Variants in TTC19 observed in about 807,000 individuals in gnomAD.
TTC19 encodes the protein tetratricopeptide repeat domain 19, also known as tetratricopeptide repeat protein 19, mitochondrial.
Under a neutral mutation model 49.5 loss-of-function variants are expected in TTC19, and 38 were observed. The observed-to-expected ratio is 0.77, with a 90% CI of 0.59 to 1.01. TTC19 has a LOEUF of 1.01. Ranked by LOEUF, TTC19 falls within the 50% of genes least tolerant of loss-of-function variation. The pLI is 0.00. For missense variants in TTC19, 475 were observed against 477.7 expected (o/e 0.99, Z 0.05); for synonymous variants, 204 against 185.2 (o/e 1.10, Z -0.83).
In TTC19 at chr17:16,040,599, T is replaced by C. The variant is rs1038415388; in HGVS notation, c.248-3904T>C. On this transcript the variant is annotated intron_variant, in intron 2 of 2. Coordinates refer to the TTC19 transcript ENST00000470649. The stretch of plus-strand genomic sequence containing the variant: ...ATAAAATTAATCTTTTTATTTTTCA[T>C]GATCTCAACCTTTATTTCTCACCCA... 10 of 978,630 alleles carry C rather than the reference T, an allele frequency of 1.0e-5. No homozygotes were observed. In the African/African-American group the frequency reaches 1.5e-4, roughly 14 times the overall value. 60.6% of individuals were successfully genotyped at this position (978,630 alleles called of 1,614,324 possible).
chr17:16,003,561 C>T (rs933126600), intron 4 of TTC19, among the ~76,000 whole-genome samples: 2 of 152,008 alleles, frequency 1.3e-5, no homozygotes, highest in African/African-American at 4.8e-5. Flanking sequence ...TAGTCTCTGC[C>T]ACAGTGGGTT....
Position 16,001,146 on chromosome 17 carries a change from C to CA in TTC19, c.313-758dup, listed in dbSNP as rs1032476015. Reference sequence around the variant, plus strand: ...TTCTCCATGCAGAAACCAAAGCGACCAAAAAAAAAAAGAGTAAATTGGATT... The same window carrying CA: ...TTCTCCATGCAGAAACCAAAGCGACCAAAAAAAAAAAAGAGTAAATTGGATT... On this transcript the variant is annotated intron_variant, in intron 2 of 9. Transcript: ENST00000261647. 3.5e-3 allele frequency among the ~76,000 whole-genome samples: 505 copies of CA among 142,434 alleles called. 3 individuals are homozygous for CA. The highest frequency in any genetic ancestry group is 0.011 in the African/African-American group (430 of 38,850). 93.4% of individuals were successfully genotyped at this position (142,434 alleles called of 152,430 possible).
At chr17:16,039,587 G>C in intron 2 of TTC19, 1 of 1,614,102 alleles carries the variant, frequency 6.2e-7, no homozygotes. Context: ...GAGCCTTCCT[G>C]ATAATGTCTT....
intron 8 of TTC19, 50 bp downstream of exon 8, chr17:16,025,221 T>A: frequency 3.8e-6 from 6 of 1,579,880 alleles, no homozygotes; most frequent in Non-Finnish European, 3.5e-6. Flanking sequence ...GGCTTCAAAA[T>A]TGAAGGGTGT....
intron 2 of TTC19, among the ~76,000 whole-genome samples, chr17:16,038,590 C>A (rs2056916430): frequency 6.6e-6 from 1 of 152,012 alleles, no homozygotes; most frequent in Non-Finnish European, 1.5e-5. Flanking sequence ...GCGTGAGCCA[C>A]CACACCCAGC....
chr17:16,007,612 A>G (rs1255971773), intron 7 of TTC19, among the ~76,000 whole-genome samples: 1 of 152,178 alleles, frequency 6.6e-6, no homozygotes, highest in Non-Finnish European at 1.5e-5. Context: ...GTACTGCAAC[A>G]TTGTGGGTTG....
intron 7 of TTC19, among the ~76,000 whole-genome samples, chr17:16,018,507 ATTTGT>A (rs1971278791): frequency 6.6e-6 from 1 of 151,666 alleles, no homozygotes; most frequent in Admixed American, 6.6e-5. Flanking sequence ...TTTTCTTTTG[ATTTGT>A]TTTTTGTTTT....
Position 16,025,126 on chromosome 17 carries a change from A to C in TTC19, c.786A>C (p.Lys262Asn), listed in dbSNP as rs1372399967. The C allele has an allele frequency of 6.2e-7, 1 of 1,613,878 alleles. No individual in the cohort carries two copies. The highest frequency in any genetic ancestry group is 1.3e-5 in the African/African-American group (1 of 74,906). The part of the protein sequence containing the change: ...QPSQAQRMYE[K>N]ALQISEEIQG... Reference sequence around the variant, plus strand: ...CACAGGCACAAAGGATGTATGAAAAAGCTCTGCAGATTTCTGAAGAAATAC... The same window carrying C: ...CACAGGCACAAAGGATGTATGAAAACGCTCTGCAGATTTCTGAAGAAATAC... Residue 262 changes from lysine to asparagine, a missense_variant, in exon 8 of 10, where the codon AAA becomes AAC. Lys to Asn is a moderately conservative substitution (Grantham distance 94, BLOSUM62 0). Coordinates refer to ENST00000261647, the MANE Select transcript of TTC19 (RefSeq NM_017775.4).
intron 7 of TTC19, chr17:16,024,734 A>T (rs1971496516): frequency 2.3e-6 from 1 of 427,248 alleles, no homozygotes; most frequent in South Asian, 2.3e-5. Context: ...TTTGTTGTTA[A>T]CTCATTCTTC....
chr17:16,003,306 G>A (rs1046923258), intron 4 of TTC19, among the ~76,000 whole-genome samples: 8 of 151,900 alleles, frequency 5.3e-5, no homozygotes, highest in East Asian at 1.9e-4. Flanking sequence ...GTTGGAGTGC[G>A]GTGGCTTAAT....
Position 16,025,113 on chromosome 17 carries a change from G to C in TTC19, c.773G>C (p.Arg258Thr). The change falls in exon 8 of 10, where the codon AGG becomes ACG. Residue 258 changes from arginine (R) to threonine (T), a missense_variant. Coordinates refer to ENST00000261647, the MANE Select transcript of TTC19 (RefSeq NM_017775.4). The stretch of plus-strand genomic sequence containing the variant: ...TCCAAGCAGCCGTCACAGGCACAAA[G>C]GATGTATGAAAAAGCTCTGCAGATT... ...LFSKQPSQAQ[R>T]MYEKALQISE... 1 of 1,613,966 alleles carries C rather than the reference G, an allele frequency of 6.2e-7. No individual in the cohort carries two copies. The highest frequency in any genetic ancestry group is 8.5e-7 in the Non-Finnish European group (1 of 1,179,880).
chr17:16,029,445 A>C (rs1971759900), downstream of TTC19: 1 of 288,946 alleles, frequency 3.5e-6, no homozygotes, highest in Admixed American at 4.7e-5. Context: ...TATTTTTAAA[A>C]TAGAATCACT....
intron 7 of TTC19, among the ~76,000 whole-genome samples, chr17:16,022,152 A>G (rs1288118929): frequency 2.0e-5 from 3 of 152,104 alleles, no homozygotes; most frequent in Non-Finnish European, 4.4e-5. Flanking sequence ...TTTGTTTAGT[A>G]CACATCAACA....
At chr17:16,005,234 G>C (rs1209008813) in intron 6 of TTC19, among the ~76,000 whole-genome samples, 2 of 152,188 alleles carry the variant, frequency 1.3e-5, no homozygotes, top group Non-Finnish European at 2.9e-5. Context: ...CCAGATCTGA[G>C]GCTTCGAAAG....
At chr17:16,040,470 A>C in intron 2 of TTC19, 3 of 1,613,818 alleles carry the variant, frequency 1.9e-6, no homozygotes, top group Non-Finnish European at 2.5e-6. Context: ...CAGATTAAAG[A>C]TCTCAGTTCC....
chr17:16,003,759 G>T, intron 4 of TTC19, 72 bp from the exon 5 acceptor site: 1 of 1,365,472 alleles, frequency 7.3e-7, no homozygotes, highest in South Asian at 1.2e-5. Context: ...CTGGCACTTA[G>T]AATCCAGGGT....
intron 7 of TTC19, among the ~76,000 whole-genome samples, chr17:16,018,046 CCTT>C (rs1001769415): frequency 2.0e-5 from 3 of 152,172 alleles, no homozygotes; most frequent in African/African-American, 7.2e-5. Flanking sequence ...TTAACATTAT[CCTT>C]CTTTCCCTTT....
rs781354488 is a variant in TTC19, at chr17:16,028,254, C to T, written c.*732C>T. On this transcript the variant is annotated 3_prime_UTR_variant, in exon 10 of 10. Coordinates refer to ENST00000261647, the MANE Select transcript of TTC19 (RefSeq NM_017775.4). ...TCTGAACACTCTACTTCCTTTGCAGCCTTAGTCACACAACTGAGTCATCTC... is the reference window on the plus strand; with the variant it reads ...TCTGAACACTCTACTTCCTTTGCAGTCTTAGTCACACAACTGAGTCATCTC... 12 of 453,958 alleles carry T rather than the reference C, an allele frequency of 2.6e-5. No homozygotes were observed. Among genetic ancestry groups the T allele is most frequent in the Non-Finnish European group, 4.9e-5 (11 of 226,790 alleles). 28.1% of individuals were successfully genotyped at this position (453,958 alleles called of 1,614,324 possible).
At chr17:16,020,591 T>A (rs957978827) in intron 7 of TTC19, among the ~76,000 whole-genome samples, 1 of 152,188 alleles carries the variant, frequency 6.6e-6, no homozygotes, top group Admixed American at 6.6e-5. Context: ...GGGGTGCTAA[T>A]GTTTAAATCT....
Sources: allele counts gnomAD v4.1 joint callset (sites outside exome capture counted in the v4.1 genomes callset), GRCh38; gene constraint gnomAD v4.1.1; transcripts MANE v1.5; gene names NCBI Gene and HGNC (gene_info 2026-07-23, HGNC 2026-07-21).